Variants in SERPING1 observed in about 807,000 individuals in gnomAD.
SERPING1 encodes the protein serpin family G member 1, also known as plasma protease C1 inhibitor.
A neutral mutation model predicts 34.1 loss-of-function variants in SERPING1; 5 were observed. That is an observed-to-expected ratio of 0.15 (90% CI 0.08 to 0.31). SERPING1 has a LOEUF of 0.31. SERPING1 is among the 10% of genes least tolerant of loss of function. SERPING1 has a pLI of 1.00. For missense variants in SERPING1, 505 were observed against 609.5 expected (o/e 0.83, Z 1.81); for synonymous variants, 225 against 242.4 (o/e 0.93, Z 0.67).
At position 57,600,120 on chromosome 11, in the gene SERPING1, C is replaced by T. The variant is rs1945331471; in HGVS notation, c.293C>T (p.Pro98Leu). Residue 98 changes from proline (P) to leucine (L), a missense_variant, in exon 3 of 8, where the codon CCC (proline) becomes CTC (leucine). Pro to Leu is a moderately conservative substitution (Grantham distance 98). Transcript: ENST00000278407. ...CCCACCACAGAGCCCACCACCCAAC[C>T]CACCATCCAACCCACCCAACCAACT... ...TQPTTEPTTQ[P>L]TIQPTQPTTQ... 3.1e-6 allele frequency: 5 copies of T among 1,613,448 alleles called. No individual in the cohort carries two copies. Among genetic ancestry groups the T allele is most frequent in the Non-Finnish European group, 4.2e-6 (5 of 1,179,638 alleles).
chr11:57,602,220 T>C, intron 4 of SERPING1, 51 bp downstream of exon 4: 6 of 1,606,372 alleles, frequency 3.7e-6, no homozygotes, highest in Admixed American at 1.7e-5. Flanking sequence ...CTGAGAGGAC[T>C]CTGAAGGGGG....
Position 57,606,087 on chromosome 11 carries a change from A to G in SERPING1, c.763A>G (p.Ser255Gly). ...SSSPRVLSNN[S>G]DANLELINTW... ...CAGCCCCAGAGTCCTAAGCAACAAC[A>G]GTGACGCCAACTTGGAGCTCATCAA... Residue 255 changes from serine (S) to glycine (G), a missense_variant, in exon 5 of 8, where the codon AGT becomes GGT. Transcript: ENST00000278407. 1 of 1,614,166 alleles carries G rather than the reference A, an allele frequency of 6.2e-7. No homozygotes were observed. Among genetic ancestry groups the G allele is most frequent in the South Asian group, 1.1e-5 (1 of 91,078 alleles).
In SERPING1 at chr11:57,600,362, A is replaced by T. The variant is rs762630842; in HGVS notation, c.535A>T (p.Thr179Ser). 5.6e-6 allele frequency: 9 copies of T among 1,612,096 alleles called. No individual in the cohort carries two copies. Among genetic ancestry groups the T allele is most frequent in the African/African-American group, 1.3e-5 (1 of 74,828 alleles). ...CCCATTCAGCATCGCCAGCCTCCTT[A>T]CCCAGGTCCTGCTCGGTAAGACCCT... ...FSPFSIASLL[T>S]QVLLGAGENT... The change falls in exon 3 of 8, where the codon ACC (threonine) becomes TCC (serine). Residue 179 changes from threonine to serine, a missense_variant. Thr to Ser is a moderately conservative substitution (Grantham distance 58). Transcript: ENST00000278407.
At chr11:57,600,485 G>A in intron 3 of SERPING1, 108 bp downstream of exon 3, 1 of 1,261,238 alleles carries the variant, frequency 7.9e-7, no homozygotes, top group Non-Finnish European at 1.1e-6. Flanking sequence ...CTGTAAAAAT[G>A]GGCTATTATA....
chr11:57,614,807 C>T lies in SERPING1; in HGVS notation c.*226C>T, dbSNP rs1270241385. The T allele has an allele frequency of 3.6e-6, 2 of 560,200 alleles. No homozygotes were observed. Among genetic ancestry groups the T allele is most frequent in the Non-Finnish European group, 6.3e-6 (2 of 315,560 alleles). 34.7% of individuals were successfully genotyped at this position (560,200 alleles called of 1,614,324 possible). On this transcript the variant is annotated 3_prime_UTR_variant, in exon 8 of 8. Coordinates refer to ENST00000278407, the MANE Select transcript of SERPING1 (RefSeq NM_000062.3). ...CCACTTTTTGCAGCTTTCTCTAGTT[C>T]AAGTTCACCAGACTCTATAAATAAA...
chr11:57,606,084 A>G lies in SERPING1; in HGVS notation c.760A>G (p.Asn254Asp). 6.2e-7 allele frequency: 1 copy of G among 1,614,126 alleles called. No individual in the cohort carries two copies. Among genetic ancestry groups the G allele is most frequent in the Non-Finnish European group, 8.5e-7 (1 of 1,180,012 alleles). Residue 254 changes from asparagine (N) to aspartate (D), a missense_variant, in exon 5 of 8, where the codon AAC becomes GAC. Coordinates refer to ENST00000278407, the MANE Select transcript of SERPING1 (RefSeq NM_000062.3). ...CAGCAGCCCCAGAGTCCTAAGCAAC[A>G]ACAGTGACGCCAACTTGGAGCTCAT... is the stretch of plus-strand genomic sequence containing the variant. ...YSSSPRVLSN[N>D]SDANLELINT...
chr11:57,609,196 T>G (rs1157397378), intron 6 of SERPING1, among the ~76,000 whole-genome samples: 1 of 152,040 alleles, frequency 6.6e-6, no homozygotes, highest in African/African-American at 2.4e-5. Context: ...CAGAATCACT[T>G]GAACCTGGGA....
At position 57,597,721 on chromosome 11, in the gene SERPING1, G is replaced by C. The variant is rs112290300; in HGVS notation, c.-24G>C. On this transcript the variant is annotated splice_region_variant and 5_prime_UTR_variant, in exon 1 of 8. Transcript: ENST00000278407. Reference sequence around the variant, plus strand: ...GAGCTGCCTGGTGACCAGAAGTTTGGAGTAGGTTTGGTGCTGGGCAGGGGT... The same window carrying C: ...GAGCTGCCTGGTGACCAGAAGTTTGCAGTAGGTTTGGTGCTGGGCAGGGGT... 2.9e-4 allele frequency: 44 copies of C among 152,412 alleles called. No individual in the cohort carries two copies. In the East Asian group the frequency reaches 4.9e-3, roughly 17 times the overall value. 9.4% of individuals were successfully genotyped at this position (152,412 alleles called of 1,614,324 possible).
chr11:57,600,408 A>G, intron 3 of SERPING1, 31 bp downstream of exon 3: 1 of 1,611,472 alleles, frequency 6.2e-7, no homozygotes, highest in Non-Finnish European at 8.5e-7. Context: ...TCTCCAGGTC[A>G]TTTGTTGGAC....
At chr11:57,606,269 G>A (rs1209731224) in intron 5 of SERPING1, 56 bp downstream of exon 5, 1 of 1,607,586 alleles carries the variant, frequency 6.2e-7, no homozygotes, top group Non-Finnish European at 8.5e-7. Context: ...TTCCCCTCCT[G>A]GCTTCAAAGC....
chr11:57,598,400 G>T, intron 2 of SERPING1, 79 bp downstream of exon 2: 1 of 1,402,034 alleles, frequency 7.1e-7, no homozygotes, highest in East Asian at 2.5e-5. Flanking sequence ...GGTGGCTGAG[G>T]ATTAACCCTT....
Position 57,598,186 on chromosome 11 carries a change from G to C in SERPING1, c.-22-63G>C, listed in dbSNP as rs569933712. ...GAGACGGAATGGGGGCGGGCCCCGG[G>C]CGGGGTGGGGGCCCCTGGGCTCCCA... On this transcript the variant is annotated intron_variant, in intron 1 of 7. Coordinates refer to ENST00000278407, the MANE Select transcript of SERPING1 (RefSeq NM_000062.3). 2.3e-6 allele frequency: 3 copies of C among 1,315,688 alleles called. No individual in the cohort carries two copies. In the South Asian group the frequency reaches 4.1e-5, roughly 18 times the overall value. The allele number at this position is 1,315,688 out of a possible 1,614,324, so 81.5% of individuals were successfully genotyped here. A position where few individuals can be genotyped will look rare whatever the true frequency, so the allele number is the denominator to read the frequency against.
chr11:57,603,257 A>G (rs1397435931), intron 4 of SERPING1, among the ~76,000 whole-genome samples: 1 of 151,580 alleles, frequency 6.6e-6, no homozygotes, highest in Non-Finnish European at 1.5e-5. Context: ...GGAAGAAAGA[A>G]AAAAGGCCAG....
At chr11:57,610,815 G>C (rs927253563) in intron 6 of SERPING1, among the ~76,000 whole-genome samples, 1 of 152,272 alleles carries the variant, frequency 6.6e-6, no homozygotes, top group East Asian at 1.9e-4. Flanking sequence ...AATGTCTCCA[G>C]ACATTACCAA....
rs200534715 is a variant in SERPING1 at position 57,600,179 on chromosome 11, A to G, written c.352A>G (p.Thr118Ala). The change falls in exon 3 of 8, where the codon ACT becomes GCT. Residue 118 changes from threonine to alanine, a missense_variant. Coordinates refer to ENST00000278407, the MANE Select transcript of SERPING1 (RefSeq NM_000062.3). ...QLPTDSPTQPTTGSFCPGPVT... is the reference protein window; with the variant it reads ...QLPTDSPTQPATGSFCPGPVT... ...CCCAACAGATTCTCCTACCCAGCCC[A>G]CTACTGGGTCCTTCTGCCCAGGACC... 147 of 1,498,686 alleles carry G rather than the reference A, an allele frequency of 9.8e-5. No homozygotes were observed. The East Asian group carries it at 4.0e-3, about 41-fold the overall frequency. 92.8% of individuals were successfully genotyped at this position (1,498,686 alleles called of 1,614,324 possible).
chr11:57,597,966 A>G (rs867856453), intron 1 of SERPING1: 4 of 456,960 alleles, frequency 8.8e-6, no homozygotes, highest in Non-Finnish European at 1.6e-5. Flanking sequence ...TGGTTAAAGC[A>G]GGACCCCCTC....
intron 6 of SERPING1, chr11:57,611,081 C>T (rs1305613456): frequency 1.3e-5 from 2 of 154,086 alleles, no homozygotes; most frequent in Non-Finnish European, 2.9e-5. Flanking sequence ...ATTACAGGCA[C>T]GTGCCACCAC....
At chr11:57,598,809 C>A (rs940730624) in intron 2 of SERPING1, among the ~76,000 whole-genome samples, 1 of 151,894 alleles carries the variant, frequency 6.6e-6, no homozygotes, top group Non-Finnish European at 1.5e-5. Flanking sequence ...AGCAAACATA[C>A]GTGGGTCTGG....
intron 2 of SERPING1, 140 bp from the exon 3 acceptor site, chr11:57,599,739 G>A: frequency 8.7e-7 from 1 of 1,145,816 alleles, no homozygotes; most frequent in South Asian, 1.3e-5. Context: ...AAGACAGATT[G>A]CTCATCTGCC....
Sources: gnomAD v4.1 joint callset for allele counts (sites outside exome capture counted in the v4.1 genomes callset) on GRCh38, gnomAD v4.1.1 for gene constraint, MANE v1.5 for transcripts, NCBI Gene and HGNC (gene_info 2026-07-23, HGNC 2026-07-21) for gene names.